Variants in FBXL17 observed in about 807,000 individuals in gnomAD.
The protein encoded by FBXL17 is F-box and leucine rich repeat protein 17.
Under a neutral mutation model 66.2 loss-of-function variants are expected in FBXL17, and 22 were observed. The ratio of observed to expected loss-of-function variants is 0.33; its 90% CI spans 0.24 to 0.47. The LOEUF (loss-of-function observed/expected upper bound fraction) is 0.47. FBXL17 is among the 20% of genes least tolerant of loss of function. FBXL17 has a pLI of 1.00. For missense variants in FBXL17, 878 were observed against 948.2 expected (o/e 0.93, Z 0.97); for synonymous variants, 474 against 400.5 (o/e 1.18, Z -2.19).
chr5:108,098,722 G>A (rs902000014), intron 6 of FBXL17, among the ~76,000 whole-genome samples: 7 of 136,776 alleles, frequency 5.1e-5, no homozygotes, highest in African/African-American at 2.0e-4. Flanking sequence ...TCCAGCCTGG[G>A]CAACAGAGCG....
intron 7 of FBXL17, among the ~76,000 whole-genome samples, chr5:107,937,203 C>T (rs570978992): frequency 2.0e-5 from 3 of 152,214 alleles, no homozygotes; most frequent in Non-Finnish European, 2.9e-5. Flanking sequence ...ATATATTATA[C>T]AACGTATGTG....
Position 108,381,104 on chromosome 5 carries a change from C to T in FBXL17, c.588G>A (p.Val196=), listed in dbSNP as rs1286181947. 7.7e-7 allele frequency: 1 copy of T among 1,294,392 alleles called. No individual in the cohort carries two copies. The highest frequency in any genetic ancestry group is 9.8e-7 in the Non-Finnish European group (1 of 1,022,376). The allele number at this position is 1,294,392 out of a possible 1,614,324, so 80.2% of individuals were successfully genotyped here. ...GGACCCCGGCCCCCTTCCGCTTGCA[C>T]ACCATTTCGGGGGGCGTAGGGAGCT... ...PAELPTPPEM[V]CKRKGAGVPA... is the part of the protein sequence containing the mutation. The change falls in exon 1 of 9, where the codon GTG becomes GTA. Residue 196 remains valine (V), a synonymous_variant. Transcript: ENST00000542267.
At chr5:108,173,587 G>A (rs147875663) in intron 6 of FBXL17, among the ~76,000 whole-genome samples, 53 of 152,254 alleles carry the variant, frequency 3.5e-4, no homozygotes, top group African/African-American at 1.2e-3. Context: ...CATTTGCAGA[G>A]CCACAGTCTT....
intron 6 of FBXL17, among the ~76,000 whole-genome samples, chr5:108,080,916 C>G (rs906610383): frequency 1.3e-5 from 2 of 152,030 alleles, no homozygotes; most frequent in Admixed American, 1.3e-4. Context: ...TAAAAAGGTG[C>G]CAGACTCTTA....
intron 6 of FBXL17, among the ~76,000 whole-genome samples, chr5:108,127,509 G>A (rs1268529195): frequency 6.6e-6 from 1 of 152,108 alleles, no homozygotes; most frequent in Non-Finnish European, 1.5e-5. Flanking sequence ...GGGTTTCAAA[G>A]ATTATCGACA....
intron 5 of FBXL17, 104 bp from the exon 6 acceptor site, chr5:108,186,351 T>C: frequency 1.1e-6 from 1 of 880,896 alleles, no homozygotes; most frequent in Non-Finnish European, 1.7e-6. Context: ...CTGTAAAATA[T>C]TTAAAACAGA....
intron 4 of FBXL17, among the ~76,000 whole-genome samples, chr5:108,330,502 G>C (rs574942027): frequency 2.0e-4 from 31 of 152,166 alleles, no homozygotes; most frequent in African/African-American, 7.2e-4. Context: ...TAGGCCAACT[G>C]TTTTATTAAT....
At chr5:107,940,098 A>G (rs936848677) in intron 7 of FBXL17, among the ~76,000 whole-genome samples, 1 of 152,196 alleles carries the variant, frequency 6.6e-6, no homozygotes, top group Non-Finnish European at 1.5e-5. Context: ...TCTACTTAAT[A>G]GATAATGAAA....
intron 7 of FBXL17, among the ~76,000 whole-genome samples, chr5:107,975,917 G>A (rs1217150542): frequency 6.8e-6 from 1 of 147,316 alleles, no homozygotes; most frequent in Non-Finnish European, 1.5e-5. Flanking sequence ...GGAGTGCAGT[G>A]GTGCGATCTT....
At chr5:107,980,806 A>G (rs1178207926) in intron 7 of FBXL17, among the ~76,000 whole-genome samples, 5 of 148,854 alleles carry the variant, frequency 3.4e-5, no homozygotes, top group South Asian at 2.2e-4. Flanking sequence ...ACAGGCACCC[A>G]CCACCACGCC....
At chr5:108,291,164 T>C (rs1311343702) in intron 4 of FBXL17, among the ~76,000 whole-genome samples, 3 of 152,224 alleles carry the variant, frequency 2.0e-5, no homozygotes, top group Non-Finnish European at 4.4e-5. Flanking sequence ...ATAAATGATA[T>C]GAGTGGCAAT....
chr5:107,925,083 T>C (rs906237029), intron 7 of FBXL17, among the ~76,000 whole-genome samples: 12 of 152,224 alleles, frequency 7.9e-5, no homozygotes, highest in Admixed American at 5.9e-4. Context: ...GATTGATTTT[T>C]CATATAGATG....
intron 6 of FBXL17, among the ~76,000 whole-genome samples, chr5:108,099,098 C>T (rs967507245): frequency 7.2e-5 from 11 of 152,114 alleles, no homozygotes; most frequent in African/African-American, 2.7e-4. Context: ...ACATTAATGG[C>T]CTCATTAGAG....
chr5:108,180,172 A>G (rs1301548976), intron 6 of FBXL17, among the ~76,000 whole-genome samples: 1 of 152,226 alleles, frequency 6.6e-6, no homozygotes, highest in Non-Finnish European at 1.5e-5. Context: ...GCTGTGGCCC[A>G]GAAGTTTGCA....
rs576535204 is a variant in FBXL17 at position 108,139,261 on chromosome 5, A to G, written c.1745+46856T>C. On this transcript the variant is annotated intron_variant, in intron 6 of 8. Coordinates refer to ENST00000542267, the MANE Select transcript of FBXL17 (RefSeq NM_001163315.3). ...TTCCTGGATAGGAAACATTACATAG[A>G]AAACAAGTTGTGTCCATTTAGCACC... Among the ~76,000 whole-genome samples the G allele has an allele frequency of 1.8e-4, 28 of 152,348 alleles. No individual in the cohort carries two copies. The South Asian group carries it at 4.6e-3, about 25-fold the overall frequency.
chr5:108,061,666 G>GT (rs1747929530), intron 6 of FBXL17, among the ~76,000 whole-genome samples: 1 of 152,020 alleles, frequency 6.6e-6, no homozygotes, highest in Non-Finnish European at 1.5e-5. Context: ...ACCATTACTC[G>GT]TAACTGGATT....
chr5:108,047,054 T>C (rs1407970586), intron 6 of FBXL17, among the ~76,000 whole-genome samples: 1 of 152,062 alleles, frequency 6.6e-6, no homozygotes, highest in Non-Finnish European at 1.5e-5. Context: ...GCAGGGGCAA[T>C]GGGAGGCTAC....
chr5:107,880,798 AC>A, intron 8 of FBXL17: 2 of 1,351,774 alleles, frequency 1.5e-6, no homozygotes, highest in Non-Finnish European at 1.9e-6. Flanking sequence ...GTATATGATT[AC>A]TTTTTCTTTC....
intron 6 of FBXL17, among the ~76,000 whole-genome samples, chr5:108,047,545 C>A (rs1561384315): frequency 6.6e-6 from 1 of 152,150 alleles, no homozygotes; most frequent in Non-Finnish European, 1.5e-5. Flanking sequence ...CGCTAAGCTC[C>A]CTGGGTGGGG....
Sources: allele counts gnomAD v4.1 joint callset (sites outside exome capture counted in the v4.1 genomes callset), GRCh38; gene constraint gnomAD v4.1.1; transcripts MANE v1.5; gene names NCBI Gene and HGNC (gene_info 2026-07-23, HGNC 2026-07-21).